Variants in HERC3 observed in about 807,000 individuals in gnomAD.
HERC3 encodes HECT and RLD domain containing E3 ubiquitin protein ligase 3.
HERC3 carries 58 observed loss-of-function variants against 129.9 expected under a neutral mutation model. The ratio of observed to expected loss-of-function variants is 0.45; its 90% CI spans 0.36 to 0.56. The LOEUF (loss-of-function observed/expected upper bound fraction) is 0.56, where lower values mean the gene tolerates loss of function less well. Ranked by LOEUF, HERC3 falls within the 20% of genes least tolerant of loss-of-function variation. The probability of loss-of-function intolerance (pLI) is 0.00; values close to 1 mark genes in which losing one functional copy is unlikely to be tolerated. For missense variants in HERC3, 835 were observed against 1,244.2 expected, an observed-to-expected ratio of 0.67 and a Z score of 4.95; for synonymous variants, 430 against 451.0, an observed-to-expected ratio of 0.95 and a Z score of 0.59.
chr4:88,698,767 G>T (rs1188068751), intron 23 of HERC3, among the ~76,000 whole-genome samples: 2 of 29,780 alleles, frequency 6.7e-5, no homozygotes, highest in Non-Finnish European at 1.5e-4. Context: ...CCCCTCCCCC[G>T]CACTGACTTA....
chr4:88,586,232 T>G, the HERC3 span, among the ~76,000 whole-genome samples: 1 of 152,220 alleles, frequency 6.6e-6, no homozygotes, highest in African/African-American at 2.4e-5. Flanking sequence ...GCGTATGCCA[T>G]GCAATTGTTT....
At chr4:88,662,619 T>C in intron 11 of HERC3, 64 bp downstream of exon 11, 4 of 1,508,566 alleles carry the variant, frequency 2.7e-6, no homozygotes, top group Non-Finnish European at 3.6e-6. Flanking sequence ...TAGCTTAGTG[T>C]GATTTTCCGT....
At chr4:88,670,305 A>G (rs1054004265) in intron 16 of HERC3, 53 bp downstream of exon 16, 31 of 1,181,418 alleles carry the variant, frequency 2.6e-5, no homozygotes, top group Non-Finnish European at 3.8e-5. Context: ...TAAGAAAAGC[A>G]CATGTGAGCT....
At chr4:88,700,867 T>C (rs1452901) in intron 23 of HERC3, among the ~76,000 whole-genome samples, 27,591 of 152,126 alleles carry the variant, frequency 0.18, 2,625 homozygotes, top group Admixed American at 0.24. Context: ...TCTTTCCTCT[T>C]TGGAGGACCT....
intron 5 of HERC3, 29 bp from the exon 6 acceptor site, chr4:88,652,840 T>C (rs1471048205): frequency 1.3e-6 from 2 of 1,578,380 alleles, no homozygotes; most frequent in Non-Finnish European, 1.7e-6. Flanking sequence ...TATCATTTTA[T>C]GGTAATACCA....
chr4:88,684,633 C>T (rs544973614), intron 21 of HERC3, among the ~76,000 whole-genome samples: 9 of 152,134 alleles, frequency 5.9e-5, no homozygotes, highest in African/African-American at 2.2e-4. Flanking sequence ...CGGATCTAAT[C>T]GAACTAAAGA....
intron 3 of HERC3, among the ~76,000 whole-genome samples, chr4:88,619,481 C>G (rs775179307): frequency 6.6e-6 from 1 of 151,892 alleles, no homozygotes; most frequent in Non-Finnish European, 1.5e-5. Context: ...AAAGTAAATT[C>G]CAGATGTATG....
At chr4:88,617,341 G>A (rs550273629) in intron 3 of HERC3, among the ~76,000 whole-genome samples, 3 of 151,990 alleles carry the variant, frequency 2.0e-5, no homozygotes, top group Non-Finnish European at 4.4e-5. Flanking sequence ...ACTAATAAGA[G>A]CTTGCAGAGA....
At chr4:88,703,300 C>T (rs1040391781) in intron 23 of HERC3, among the ~76,000 whole-genome samples, 1 of 152,130 alleles carries the variant, frequency 6.6e-6, no homozygotes, top group African/African-American at 2.4e-5. Flanking sequence ...TTTTGAGTCT[C>T]TGCCACAACA....
Position 88,693,468 on chromosome 4 carries a change from G to A in HERC3, c.2657+6169G>A, listed in dbSNP as rs1734279590. ...AAAAGTTGCATTTCTTTCACACATA[G>A]GCTACTTTACATAGTCTACACAGTA... On this transcript the variant is annotated intron_variant, in intron 23 of 25. Transcript: ENST00000402738. 4.1e-6 allele frequency: 4 copies of A among 971,976 alleles called. No individual in the cohort carries two copies. In the South Asian group the frequency reaches 1.9e-4, roughly 46 times the overall value. 60.2% of individuals were successfully genotyped at this position (971,976 alleles called of 1,614,324 possible). A position where few individuals can be genotyped will look rare whatever the true frequency, so the allele number is the denominator to read the frequency against.
intron 3 of HERC3, among the ~76,000 whole-genome samples, chr4:88,610,613 G>C (rs1280333229): frequency 6.6e-6 from 1 of 152,128 alleles, no homozygotes; most frequent in Non-Finnish European, 1.5e-5. Flanking sequence ...CTCCTTGTCT[G>C]TCTTCTCTGT....
rs142260568 is a variant in HERC3 at position 88,611,257 on chromosome 4, A to G, written c.226+5208A>G. ...TTTTTCGTTGGTAGGTGTGTTCTAAATCTGGATATGATTTGCGTTTGTTTT... is the reference window on the plus strand; with the variant it reads ...TTTTTCGTTGGTAGGTGTGTTCTAAGTCTGGATATGATTTGCGTTTGTTTT... On this transcript the variant is annotated intron_variant, in intron 3 of 25. Coordinates refer to ENST00000402738, the MANE Select transcript of HERC3 (RefSeq NM_014606.3). Among the ~76,000 whole-genome samples the G allele has an allele frequency of 9.2e-5, 14 of 152,298 alleles. No homozygotes were observed. The East Asian group carries it at 2.7e-3, about 29-fold the overall frequency.
intron 2 of HERC3, among the ~76,000 whole-genome samples, chr4:88,596,883 T>C (rs1722456910): frequency 6.6e-6 from 1 of 152,210 alleles, no homozygotes. Flanking sequence ...TGATTCTTAA[T>C]CTCCAAATAA....
intron 7 of HERC3, among the ~76,000 whole-genome samples, chr4:88,654,421 T>C (rs7441717): frequency 2.9e-4 from 42 of 144,808 alleles, no homozygotes; most frequent in Admixed American, 1.5e-3. Flanking sequence ...TATATATATA[T>C]ACACACATAT....
intron 3 of HERC3, among the ~76,000 whole-genome samples, chr4:88,642,917 T>G (rs1271222904): frequency 9.4e-5 from 13 of 138,170 alleles, no homozygotes; most frequent in Admixed American, 1.5e-4. Flanking sequence ...GGGCGGGGGG[T>G]GTGTGGGTGG....
chr4:88,635,302 A>G (rs114178004), intron 3 of HERC3, among the ~76,000 whole-genome samples: 2,091 of 152,042 alleles, frequency 0.014, 24 homozygotes, highest in Non-Finnish European at 0.022. Flanking sequence ...TTAAAGAGGA[A>G]CGTAAACGAC....
the HERC3 span, among the ~76,000 whole-genome samples, chr4:88,539,357 C>T: frequency 6.6e-6 from 1 of 152,266 alleles, no homozygotes; most frequent in South Asian, 2.1e-4. Context: ...AGGCTGCAGC[C>T]TCGGGGGGAG....
chr4:88,570,847 G>A, the HERC3 span, among the ~76,000 whole-genome samples: 6 of 151,514 alleles, frequency 4.0e-5, no homozygotes, highest in African/African-American at 4.9e-5. Context: ...TCCGCCTCCC[G>A]GGTTCACGCC....
intron 2 of HERC3, among the ~76,000 whole-genome samples, chr4:88,598,744 G>A (rs1222830603): frequency 1.3e-5 from 2 of 152,174 alleles, no homozygotes; most frequent in Non-Finnish European, 2.9e-5. Flanking sequence ...CACAGCTAAC[G>A]TGGTTAATGT....
Sources: allele counts gnomAD v4.1 joint callset (sites outside exome capture counted in the v4.1 genomes callset), GRCh38; gene constraint gnomAD v4.1.1; transcripts MANE v1.5; gene names NCBI Gene and HGNC (gene_info 2026-07-23, HGNC 2026-07-21).